FAT4: variants seen among roughly 807,000 people sequenced by gnomAD.
FAT4 encodes the protein FAT atypical cadherin 4.
A neutral mutation model predicts 303.9 loss-of-function variants in FAT4; 84 were observed. The observed-to-expected ratio is 0.28, with a 90% CI of 0.23 to 0.33. FAT4 has a LOEUF of 0.33. FAT4 is among the 10% of genes least tolerant of loss of function. The pLI is 1.00. For synonymous variants in FAT4, 2,307 were observed against 2,298.8 expected (o/e 1.00, Z -0.10); for missense variants, 6,005 against 6,146.8 (o/e 0.98, Z 0.77).
chr4:125,345,093 C>G (rs1321024116), intron 2 of FAT4, among the ~76,000 whole-genome samples: 1 of 152,014 alleles, frequency 6.6e-6, no homozygotes. Flanking sequence ...AAAGGTCATC[C>G]TTTATTTAAA....
chr4:125,440,568 A>G (rs1341428760), intron 8 of FAT4, among the ~76,000 whole-genome samples: 2 of 115,014 alleles, frequency 1.7e-5, no homozygotes, highest in Non-Finnish European at 3.6e-5. Flanking sequence ...TCACTGCATT[A>G]TTTTCTCAGT....
intron 12 of FAT4, 70 bp downstream of exon 12, chr4:125,468,889 A>T (rs899948908): frequency 1.4e-6 from 2 of 1,428,386 alleles, no homozygotes; most frequent in East Asian, 2.3e-5. Context: ...ATTGGGGTGC[A>T]AATCATGTTA....
At chr4:125,411,865 TA>T (rs1173533787) in intron 5 of FAT4, among the ~76,000 whole-genome samples, 2 of 150,746 alleles carry the variant, frequency 1.3e-5, no homozygotes, top group Admixed American at 6.6e-5. Flanking sequence ...TGTATATATA[TA>T]TATATATGAC....
chr4:125,436,712 CA>C (rs1259068159), intron 8 of FAT4, among the ~76,000 whole-genome samples: 1 of 152,120 alleles, frequency 6.6e-6, no homozygotes, highest in Non-Finnish European at 1.5e-5. Context: ...AGAGCTTGTA[CA>C]GGGGAACTCC....
In FAT4 at chr4:125,318,341, A is replaced by G. The variant is rs1730740660; in HGVS notation, c.1930A>G (p.Ile644Val). 2 of 1,614,098 alleles carry G rather than the reference A, an allele frequency of 1.2e-6. No homozygotes were observed. Among genetic ancestry groups the G allele is most frequent in the East Asian group, 2.2e-5 (1 of 44,854 alleles). ...LDPVSGRLST[I>V]SSLDREEQAF... ...TCCTGTGTCTGGGAGGTTGAGTACTATTTCCTCCTTGGACAGAGAAGAGCA... is the reference window on the plus strand; with the variant it reads ...TCCTGTGTCTGGGAGGTTGAGTACTGTTTCCTCCTTGGACAGAGAAGAGCA... Residue 644 changes from isoleucine (I) to valine (V), a missense_variant, in exon 2 of 18, where the codon ATT (isoleucine) becomes GTT (valine). Physicochemically the swap from Ile to Val is conservative, Grantham distance 29 (BLOSUM62 3). Transcript: ENST00000394329.
chr4:125,380,622 A>G (rs1313911352), intron 2 of FAT4, among the ~76,000 whole-genome samples: 2 of 152,222 alleles, frequency 1.3e-5, no homozygotes, highest in Admixed American at 1.3e-4. Flanking sequence ...AAACAATCAC[A>G]GGTTTTGAAT....
chr4:125,363,619 C>CCAAGTAGCTGGGACAA (rs1272466314), intron 2 of FAT4, among the ~76,000 whole-genome samples: 2 of 151,894 alleles, frequency 1.3e-5, no homozygotes, highest in Non-Finnish European at 2.9e-5. Flanking sequence ...CCTCAGCCTC[C>CCAAGTAGCTGGGACAA]CAAGTAGCTG....
intron 10 of FAT4, among the ~76,000 whole-genome samples, chr4:125,456,262 A>C (rs1726273135): frequency 6.6e-6 from 1 of 152,188 alleles, no homozygotes; most frequent in South Asian, 2.1e-4. Flanking sequence ...TTGAGCCTAC[A>C]GTCTGGTGAC....
intron 7 of FAT4, among the ~76,000 whole-genome samples, chr4:125,429,919 T>C (rs537373555): frequency 2.6e-4 from 39 of 152,188 alleles, no homozygotes; most frequent in Non-Finnish European, 2.9e-4. Flanking sequence ...TCAAATAGGA[T>C]GTATCCACTA....
At position 125,408,568 on chromosome 4, in the gene FAT4, T is replaced by C. The variant is rs1189931401; in HGVS notation, c.5694T>C (p.Phe1898=). 1 of 1,612,936 alleles carries C rather than the reference T, an allele frequency of 6.2e-7. No homozygotes were observed. The highest frequency in any genetic ancestry group is 1.1e-5 in the South Asian group (1 of 91,056). ...IFFLNPITGV[F]NLTRLLDYEV... ...TCCTGAATCCTATTACTGGGGTCTT[T>C]AATTTGACTCGATTATTAGATTATG... The change falls in exon 5 of 18, where the codon TTT becomes TTC. Residue 1898 remains phenylalanine, a synonymous_variant. Transcript: ENST00000394329.
intron 2 of FAT4, among the ~76,000 whole-genome samples, chr4:125,374,468 C>T (rs1560785402): frequency 1.3e-5 from 2 of 152,162 alleles, no homozygotes; most frequent in Non-Finnish European, 2.9e-5. Flanking sequence ...AAGAAGCCAT[C>T]TTGGCTTCAA....
Position 125,448,582 on chromosome 4 carries a change from T to C in FAT4, c.7572T>C (p.Ile2524=), listed in dbSNP as rs1315774331. The change falls in exon 10 of 18, where the codon ATT becomes ATC. Residue 2524 remains isoleucine, a synonymous_variant. Transcript: ENST00000394329. Reference sequence around the variant, plus strand: ...ACATTGACCCACTGAGGGGAGCCATTATGGCCGCCGGACCACTAAACGGAG... The same window carrying C: ...ACATTGACCCACTGAGGGGAGCCATCATGGCCGCCGGACCACTAAACGGAG... The part of the protein sequence containing the change: ...KFHIDPLRGA[I]MAAGPLNGAS... The C allele has an allele frequency of 6.2e-7, 1 of 1,613,986 alleles. No individual in the cohort carries two copies.
intron 12 of FAT4, among the ~76,000 whole-genome samples, chr4:125,472,715 A>G (rs1201924276): frequency 6.6e-6 from 1 of 152,202 alleles, no homozygotes; most frequent in African/African-American, 2.4e-5. Flanking sequence ...AATTTAAGCA[A>G]GTTTTAAAAT....
rs1479723271 is a variant in FAT4, at chr4:125,319,226, C to T, written c.2815C>T (p.Leu939=). The part of the protein sequence containing the change: ...LYSLKQNPKN[L]FAINEKNGTI... ...TAGTCTGAAGCAAAACCCCAAGAAC[C>T]TGTTTGCTATCAATGAAAAGAATGG... is the stretch of plus-strand genomic sequence containing the variant. The change falls in exon 2 of 18, where the codon CTG becomes TTG. Residue 939 remains leucine, a synonymous_variant. Transcript: ENST00000394329. The T allele has an allele frequency of 4.3e-6, 7 of 1,613,970 alleles. No homozygotes were observed. The highest frequency in any genetic ancestry group is 2.2e-5 in the South Asian group (2 of 91,070).
Position 125,490,887 on chromosome 4 carries a change from C to A in FAT4, c.14071C>A (p.His4691Asn). The change falls in exon 18 of 18, where the codon CAC becomes AAC. Residue 4691 changes from histidine (H) to asparagine (N), a missense_variant. Physicochemically the swap from His to Asn is moderately conservative, Grantham distance 68. Coordinates refer to ENST00000394329, the MANE Select transcript of FAT4 (RefSeq NM_001291303.3). ...AGGTTTGAGAACCAGCTCCCTAAGC[C>A]ACTCAGCATGCCCAACTCCCAACCC... ...GQGLRTSSLS[H>N]SACPTPNPLS... The A allele has an allele frequency of 6.2e-7, 1 of 1,614,224 alleles. No homozygotes were observed. Among genetic ancestry groups the A allele is most frequent in the Non-Finnish European group, 8.5e-7 (1 of 1,180,050 alleles).
At chr4:125,396,639 C>A (rs958425026) in intron 2 of FAT4, among the ~76,000 whole-genome samples, 2 of 152,062 alleles carry the variant, frequency 1.3e-5, no homozygotes, top group East Asian at 1.9e-4. Flanking sequence ...CGCATGCATG[C>A]GAGCACACAT....
rs2126082991 is a variant in FAT4, at chr4:125,476,228, G to C, written c.12271G>C (p.Val4091Leu). 12 of 1,596,262 alleles carry C rather than the reference G, an allele frequency of 7.5e-6. No individual in the cohort carries two copies. The highest frequency in any genetic ancestry group is 1.0e-5 in the Non-Finnish European group (12 of 1,168,386). Reference sequence around the variant, plus strand: ...GAACCAAGAGCCAGGATATTGTACTGTCAGTAATGTGGCAGTTTCAGATGA... The same window carrying C: ...GAACCAAGAGCCAGGATATTGTACTCTCAGTAATGTGGCAGTTTCAGATGA... ...SENQEPGYCT[V>L]SNVAVSDDWT... Residue 4091 changes from valine (V) to leucine (L), a missense_variant, in exon 13 of 18, where the codon GTC becomes CTC. By Grantham distance (32) the Val-to-Leu change is conservative. Coordinates refer to ENST00000394329, the MANE Select transcript of FAT4 (RefSeq NM_001291303.3).
rs1203899852 is a variant in FAT4, at chr4:125,316,045, T to A, written c.-13+68T>A. Among the ~76,000 whole-genome samples the A allele has an allele frequency of 6.6e-6, 1 of 152,160 alleles. No homozygotes were observed. Among genetic ancestry groups the A allele is most frequent in the African/African-American group, 2.4e-5 (1 of 41,424 alleles). On this transcript the variant is annotated intron_variant, in intron 1 of 17. Coordinates refer to ENST00000394329, the MANE Select transcript of FAT4 (RefSeq NM_001291303.3). The surrounding 1 kb of genome is among the most constrained non-coding windows in gnomAD (Gnocchi z 5.7). ...CTCATATACCTTAGATACAGGCAACTTCTCCCAACTCTCATCCACCCGGGT... is the reference window on the plus strand; with the variant it reads ...CTCATATACCTTAGATACAGGCAACATCTCCCAACTCTCATCCACCCGGGT...
rs1206022556 is a variant in FAT4, at chr4:125,490,615, T to C, written c.13799T>C (p.Ile4600Thr). The change falls in exon 18 of 18, where the codon ATT becomes ACT. Residue 4600 changes from isoleucine (I) to threonine (T), a missense_variant. Ile to Thr is a moderately conservative substitution (Grantham distance 89, BLOSUM62 -1). Coordinates refer to ENST00000394329, the MANE Select transcript of FAT4 (RefSeq NM_001291303.3). ...TACCTTATCTATGATGAAACTGATA[T>C]TCCTCACAACTCAGAAACCATCCCC... is the stretch of plus-strand genomic sequence containing the variant. The part of the protein sequence containing the change: ...NPYLIYDETD[I>T]PHNSETIPSA... 1 of 1,614,100 alleles carries C rather than the reference T, an allele frequency of 6.2e-7. No individual in the cohort carries two copies. The highest frequency in any genetic ancestry group is 1.7e-5 in the Admixed American group (1 of 60,020).
Sources: allele counts gnomAD v4.1 joint callset (sites outside exome capture counted in the v4.1 genomes callset), GRCh38; gene constraint gnomAD v4.1.1; non-coding constraint Gnocchi (gnomAD v3.1); transcripts MANE v1.5; gene names NCBI Gene and HGNC (gene_info 2026-07-23, HGNC 2026-07-21).